Variants in ANKRD12 observed in about 807,000 individuals in gnomAD.
ANKRD12 encodes ankyrin repeat domain-containing protein 12.
ANKRD12 carries 85 observed loss-of-function variants against 183.4 expected under a neutral mutation model. The observed-to-expected ratio is 0.46, with a 90% confidence interval of 0.39 to 0.56. The LOEUF is 0.56. Among genes scored for constraint, ANKRD12 ranks in the 20% least tolerant of loss-of-function variants. The pLI is 0.00. For synonymous variants in ANKRD12, 914 were observed against 800.2 expected (o/e 1.14, Z -2.40); for missense variants, 2,405 against 2,357.1 (o/e 1.02, Z -0.42).
intron 6 of ANKRD12, among the ~76,000 whole-genome samples, chr18:9,212,379 C>A (rs532399910): frequency 6.6e-6 from 1 of 151,936 alleles, no homozygotes; most frequent in South Asian, 2.1e-4. Flanking sequence ...ATGTATAAAG[C>A]AAATACTTAC....
rs1346241651 is a variant in ANKRD12 at position 9,258,278 on chromosome 18, CATT to C, written c.5012_5014del (p.His1671_Cys1672delinsArg). 5 of 1,613,684 alleles carry C rather than the reference CATT, an allele frequency of 3.1e-6. No homozygotes were observed. Among genetic ancestry groups the C allele is most frequent in the Non-Finnish European group, 2.5e-6 (3 of 1,179,900 alleles). On this transcript the variant is annotated inframe_deletion, in exon 9 of 13. Coordinates refer to ENST00000262126, the MANE Select transcript of ANKRD12 (RefSeq NM_015208.5). ...AAACCTAAATGAACAAGATCCAAAA[CATT>C]GTCCTGAAAGTGAAAAGTGTTTGCT...
At chr18:9,155,754 A>G (rs2030326960) in intron 1 of ANKRD12, among the ~76,000 whole-genome samples, 1 of 151,192 alleles carries the variant, frequency 6.6e-6, no homozygotes, top group African/African-American at 2.4e-5. Flanking sequence ...ATGTCTTCTG[A>G]TTTTTTTTGT....
intron 8 of ANKRD12, among the ~76,000 whole-genome samples, chr18:9,233,217 T>C (rs2037156099): frequency 6.6e-6 from 1 of 151,960 alleles, no homozygotes. Flanking sequence ...GAAGTTTTTT[T>C]AGTGTATTTT....
At position 9,257,789 on chromosome 18, in the gene ANKRD12, C is replaced by T. The variant is rs1443945395; in HGVS notation, c.4522C>T (p.His1508Tyr). 2 of 1,613,854 alleles carry T rather than the reference C, an allele frequency of 1.2e-6. No homozygotes were observed. Among genetic ancestry groups the T allele is most frequent in the Middle Eastern group, 1.6e-4 (1 of 6,078 alleles). ...TTCAGATGCTGAATCGATTTCTAAACATATGTCTTTGTCATATGTTGCTAA... is the reference window on the plus strand; with the variant it reads ...TTCAGATGCTGAATCGATTTCTAAATATATGTCTTTGTCATATGTTGCTAA... ...SLSDAESISK[H>Y]MSLSYVANQE... The change falls in exon 9 of 13, where the codon CAT becomes TAT. Residue 1508 changes from histidine to tyrosine, a missense_variant. Physicochemically the swap from His to Tyr is moderately conservative, Grantham distance 83 (BLOSUM62 2). Around this residue, in one of 7 missense-constraint regions of ANKRD12, gnomAD observed 1,983 missense variants for 1,725.9 expected, o/e 1.15. Coordinates refer to ENST00000262126, the MANE Select transcript of ANKRD12 (RefSeq NM_015208.5).
At chr18:9,169,219 T>C (rs1284605171) in intron 1 of ANKRD12, among the ~76,000 whole-genome samples, 1 of 152,208 alleles carries the variant, frequency 6.6e-6, no homozygotes, top group Non-Finnish European at 1.5e-5. Context: ...GTTCTGTAGA[T>C]GTCTATGAGG....
chr18:9,217,633 C>A (rs1194986153), intron 7 of ANKRD12, among the ~76,000 whole-genome samples: 1 of 152,078 alleles, frequency 6.6e-6, no homozygotes, highest in African/African-American at 2.4e-5. Context: ...AAAAATGTAG[C>A]CTATAATTTT....
Position 9,156,358 on chromosome 18 carries a change from AATTAGT to A in ANKRD12, c.-52+19399_-52+19404del, listed in dbSNP as rs566156222. On this transcript the variant is annotated intron_variant, in intron 1 of 12. Coordinates refer to ENST00000262126, the MANE Select transcript of ANKRD12 (RefSeq NM_015208.5). ...AAGAAAAACGGTGAGGAGGGAGTAA[AATTAGT>A]ATTAGAAAGCTGTACAATAAAAACA... Among the ~76,000 whole-genome samples the A allele has an allele frequency of 6.3e-3, 964 of 152,264 alleles. 7 individuals carry two copies. The highest frequency in any genetic ancestry group is 0.017 in the Middle Eastern group (5 of 294).
intron 1 of ANKRD12, among the ~76,000 whole-genome samples, chr18:9,140,616 A>G (rs1187369112): frequency 1.3e-5 from 2 of 152,200 alleles, no homozygotes; most frequent in Non-Finnish European, 2.9e-5. Flanking sequence ...CAGGTACGCA[A>G]AAGGAGGAGA....
chr18:9,247,929 G>A (rs1304993470), intron 8 of ANKRD12, among the ~76,000 whole-genome samples: 2 of 152,120 alleles, frequency 1.3e-5, no homozygotes, highest in Non-Finnish European at 2.9e-5. Context: ...TGGGATTACA[G>A]GCGCCCCCCA....
intron 3 of ANKRD12, among the ~76,000 whole-genome samples, chr18:9,203,290 G>A (rs549255819): frequency 1.6e-4 from 25 of 152,200 alleles, no homozygotes; most frequent in African/African-American, 5.8e-4. Flanking sequence ...AGGCTTATCT[G>A]TAAAATTTTC....
intron 7 of ANKRD12, among the ~76,000 whole-genome samples, chr18:9,220,852 TAGGGAAACCATC>T (rs1036230293): frequency 6.6e-6 from 1 of 152,130 alleles, no homozygotes; most frequent in African/African-American, 2.4e-5. Context: ...GACAGAGTCA[TAGGGAAACCATC>T]ATTGGTTTAG....
At position 9,182,425 on chromosome 18, in the gene ANKRD12, G is replaced by C. The variant is rs1567887610; in HGVS notation, c.-8G>C. 3 of 1,601,656 alleles carry C rather than the reference G, an allele frequency of 1.9e-6. No individual in the cohort carries two copies. The highest frequency in any genetic ancestry group is 2.6e-6 in the Non-Finnish European group (3 of 1,171,216). On this transcript the variant is annotated 5_prime_UTR_variant, in exon 2 of 13. Transcript: ENST00000262126. Reference sequence around the variant, plus strand: ...GATAAAAGAAGAAGCTAGCTGAACAGCTGTAAAATGCCCAAATCTGGGTTC... The same window carrying C: ...GATAAAAGAAGAAGCTAGCTGAACACCTGTAAAATGCCCAAATCTGGGTTC...
chr18:9,242,490 A>C (rs181801203), intron 8 of ANKRD12, among the ~76,000 whole-genome samples: 1 of 152,106 alleles, frequency 6.6e-6, no homozygotes, highest in Non-Finnish European at 1.5e-5. Context: ...AGCTTTAGCT[A>C]TCTCATCCTG....
At chr18:9,280,405 C>T (rs1167172161) in intron 12 of ANKRD12, among the ~76,000 whole-genome samples, 7 of 152,106 alleles carry the variant, frequency 4.6e-5, no homozygotes, top group African/African-American at 1.2e-4. Flanking sequence ...GTCCGTGACC[C>T]GGGGGTTGGG....
rs1491418837 is a variant in ANKRD12, at chr18:9,157,604, T to TGTA, written c.-52+20639_-52+20640insGTA. ...GTGTGTGTATATATATATATATGTA[T>TGTA]TTTTTTTTTTTTTTTTGAGATGGAG... On this transcript the variant is annotated intron_variant, in intron 1 of 12. Transcript: ENST00000262126. 9.9e-3 allele frequency among the ~76,000 whole-genome samples: 455 copies of TGTA among 45,832 alleles called. 3 individuals are homozygous for TGTA. Among genetic ancestry groups the TGTA allele is most frequent in the Non-Finnish European group, 0.026 (381 of 14,914 alleles). 30.1% of individuals were successfully genotyped at this position (45,832 alleles called of 152,430 possible).
intron 6 of ANKRD12, 71 bp from the exon 7 acceptor site, chr18:9,216,687 G>A (rs1163960691): frequency 5.5e-6 from 8 of 1,454,782 alleles, no homozygotes; most frequent in South Asian, 1.3e-5. Context: ...TCACACATTG[G>A]TATGTATATG....
intron 3 of ANKRD12, among the ~76,000 whole-genome samples, chr18:9,202,972 TCA>T (rs2144529015): frequency 6.6e-6 from 1 of 152,352 alleles, no homozygotes; most frequent in African/African-American, 2.4e-5. Context: ...CTTAGTTTAT[TCA>T]CTGTGGTTTA....
At chr18:9,194,725 A>G (rs1398390186) in intron 2 of ANKRD12, among the ~76,000 whole-genome samples, 2 of 152,140 alleles carry the variant, frequency 1.3e-5, no homozygotes, top group Non-Finnish European at 2.9e-5. Flanking sequence ...AAATTTACAT[A>G]TTCATTGGCG....
intron 8 of ANKRD12, among the ~76,000 whole-genome samples, chr18:9,247,382 G>A (rs1326872665): frequency 6.6e-6 from 1 of 151,994 alleles, no homozygotes; most frequent in Non-Finnish European, 1.5e-5. Context: ...GAGAGGCTGA[G>A]GCAGGAGGAT....
Sources: allele counts gnomAD v4.1 joint callset (sites outside exome capture counted in the v4.1 genomes callset), GRCh38; gene constraint gnomAD v4.1.1; regional missense constraint gnomAD v4.1.1; transcripts MANE v1.5; gene names NCBI Gene and HGNC (gene_info 2026-07-23, HGNC 2026-07-21).